The following WDFY3 variants were observed in gnomAD, a reference collection of about 807,000 sequenced individuals.
WDFY3 encodes WD repeat and FYVE domain-containing protein 3.
In WDFY3, 66 loss-of-function variants were observed where a neutral mutation model predicts 409.6. The ratio of observed to expected loss-of-function variants is 0.16; its 90% CI spans 0.13 to 0.20. The LOEUF is 0.20. Among genes scored for constraint, WDFY3 ranks in the 10% least tolerant of loss-of-function variants. The pLI is 1.00. For missense variants in WDFY3, 3,031 were observed against 4,298.1 expected (o/e 0.71, Z 8.24); for synonymous variants, 1,521 against 1,537.1 (o/e 0.99, Z 0.25).
At position 84,677,141 on chromosome 4, in the gene WDFY3, A is replaced by G. The variant is rs1726427149; in HGVS notation, c.10457+58T>C. 1.9e-6 allele frequency: 3 copies of G among 1,595,126 alleles called. No individual in the cohort carries two copies. In the South Asian group the frequency reaches 3.4e-5, roughly 18 times the overall value. On this transcript the variant is annotated intron_variant, in intron 67 of 67. Coordinates refer to ENST00000295888, the MANE Select transcript of WDFY3 (RefSeq NM_014991.6). ...AAATCAGAACCTGTGTGCAGGACAT[A>G]ATTAACAACCTTAGAGCTTAATCAA...
chr4:84,798,506 A>G (rs1270419492), intron 17 of WDFY3, among the ~76,000 whole-genome samples: 3 of 152,216 alleles, frequency 2.0e-5, no homozygotes, highest in Admixed American at 6.5e-5. Flanking sequence ...TTCATTTTTT[A>G]GAAGTTAATA....
chr4:84,829,236 C>T (rs750341352), intron 8 of WDFY3, 46 bp from the exon 9 acceptor site: 14 of 1,426,468 alleles, frequency 9.8e-6, no homozygotes, highest in African/African-American at 2.9e-5. Context: ...TCCTGACAAT[C>T]GCTTAAAAAT....
chr4:84,810,257 C>G lies in WDFY3; in HGVS notation c.1975G>C (p.Val659Leu). ...CAGCTCAAAGATCTTTCCATAGCAACGAGCAAGGATGTAATGTACACAAAT... is the reference window on the plus strand; with the variant it reads ...CAGCTCAAAGATCTTTCCATAGCAAGGAGCAAGGATGTAATGTACACAAAT... ...GGFVYITSLL[V>L]AMERSLSCPP... The change falls in exon 14 of 68, where the codon GTT (valine) becomes CTT (leucine). Residue 659 changes from valine to leucine, a missense_variant. By Grantham distance (32) the Val-to-Leu change is conservative. Coordinates refer to ENST00000295888, the MANE Select transcript of WDFY3 (RefSeq NM_014991.6). 1 of 1,613,946 alleles carries G rather than the reference C, an allele frequency of 6.2e-7. No individual in the cohort carries two copies. Among genetic ancestry groups the G allele is most frequent in the Middle Eastern group, 1.7e-4 (1 of 6,060 alleles).
intron 33 of WDFY3, 21 bp downstream of exon 33, chr4:84,756,905 C>T (rs376620120): frequency 9.3e-6 from 15 of 1,607,660 alleles, no homozygotes; most frequent in African/African-American, 1.3e-5. Context: ...TTTCACGCAC[C>T]CCTTGCTAGA....
In WDFY3 at chr4:84,718,462, C is replaced by T; in HGVS notation, c.7714G>A (p.Ala2572Thr). 1.2e-6 allele frequency: 2 copies of T among 1,613,948 alleles called. No individual in the cohort carries two copies. The highest frequency in any genetic ancestry group is 2.2e-5 in the South Asian group (2 of 91,070). Reference sequence around the variant, plus strand: ...TCAATATCTCTTATTTCCCTGGTTGCTGTCATGGTAAATCCATCAATCACA... The same window carrying T: ...TCAATATCTCTTATTTCCCTGGTTGTTGTCATGGTAAATCCATCAATCACA... Reference protein sequence around the residue: ...FYVIDGFTMTATREIRDIETL... With the variant: ...FYVIDGFTMTTTREIRDIETL... Residue 2572 changes from alanine to threonine, a missense_variant, in exon 48 of 68, where the codon GCA becomes ACA. Coordinates refer to ENST00000295888, the MANE Select transcript of WDFY3 (RefSeq NM_014991.6).
intron 58 of WDFY3, among the ~76,000 whole-genome samples, chr4:84,693,947 A>T (rs1729685802): frequency 6.6e-6 from 1 of 152,062 alleles, no homozygotes; most frequent in African/African-American, 2.4e-5. Context: ...CAATTATTGT[A>T]AATCTTTGAG....
intron 53 of WDFY3, among the ~76,000 whole-genome samples, chr4:84,706,057 T>C (rs1449333455): frequency 6.6e-6 from 1 of 151,796 alleles, no homozygotes; most frequent in Non-Finnish European, 1.5e-5. Context: ...TCACACCAGA[T>C]CAAGTAACTT....
chr4:84,936,476 G>T (rs552515075), intron 1 of WDFY3, among the ~76,000 whole-genome samples: 11 of 151,944 alleles, frequency 7.2e-5, no homozygotes, highest in Non-Finnish European at 1.5e-4. Flanking sequence ...AGCTATGAAC[G>T]TGCCACTGCC....
intron 13 of WDFY3, among the ~76,000 whole-genome samples, chr4:84,816,508 G>A (rs1753323198): frequency 6.6e-6 from 1 of 152,058 alleles, no homozygotes; most frequent in African/African-American, 2.4e-5. Context: ...ATAAGTAGAT[G>A]CAGATAAATG....
rs1005326073 is a variant in WDFY3, at chr4:84,826,991, T to C, written c.957-10A>G. On this transcript the variant is annotated splice_polypyrimidine_tract_variant and intron_variant, in intron 9 of 67. Coordinates refer to ENST00000295888, the MANE Select transcript of WDFY3 (RefSeq NM_014991.6). Reference sequence around the variant, plus strand: ...TTTTGCTTGTTCCAATCTAGAAAAGTATGATTTAGAAAGTATTTTTTTTCT... The same window carrying C: ...TTTTGCTTGTTCCAATCTAGAAAAGCATGATTTAGAAAGTATTTTTTTTCT... 10 of 1,600,182 alleles carry C rather than the reference T, an allele frequency of 6.2e-6. No individual in the cohort carries two copies. The highest frequency in any genetic ancestry group is 8.5e-6 in the Non-Finnish European group (10 of 1,176,758).
At chr4:84,714,143 G>T (rs1161441322) in intron 50 of WDFY3, among the ~76,000 whole-genome samples, 4 of 151,476 alleles carry the variant, frequency 2.6e-5, no homozygotes, top group African/African-American at 9.7e-5. Context: ...ATTATTTTTT[G>T]AAACAGTGCC....
intron 2 of WDFY3, among the ~76,000 whole-genome samples, chr4:84,909,113 T>C (rs530321032): frequency 1.3e-5 from 2 of 152,026 alleles, no homozygotes; most frequent in East Asian, 3.9e-4. Context: ...AGTAAATGCA[T>C]GGGAATGTAA....
intron 51 of WDFY3, among the ~76,000 whole-genome samples, chr4:84,712,201 G>A (rs574106501): frequency 2.0e-5 from 3 of 151,760 alleles, no homozygotes; most frequent in African/African-American, 7.2e-5. Flanking sequence ...GCACATGCTT[G>A]TAATCCCAGC....
At chr4:84,821,781 T>C (rs1754103223) in intron 10 of WDFY3, among the ~76,000 whole-genome samples, 1 of 152,224 alleles carries the variant, frequency 6.6e-6, no homozygotes, top group Non-Finnish European at 1.5e-5. Flanking sequence ...AATTCAAAAA[T>C]AGTGTATGTT....
intron 2 of WDFY3, among the ~76,000 whole-genome samples, chr4:84,924,416 G>A (rs1277294972): frequency 6.6e-6 from 1 of 152,100 alleles, no homozygotes; most frequent in Non-Finnish European, 1.5e-5. Flanking sequence ...CATTTAACTT[G>A]ATCCTCACAA....
At chr4:84,698,908 G>A (rs149361866) in intron 56 of WDFY3, among the ~76,000 whole-genome samples, 8 of 152,070 alleles carry the variant, frequency 5.3e-5, no homozygotes, top group Non-Finnish European at 7.4e-5. Flanking sequence ...GGCTGGTCTC[G>A]AATTCTTGGC....
intron 5 of WDFY3, among the ~76,000 whole-genome samples, chr4:84,846,755 G>T (rs1267168543): frequency 6.6e-6 from 1 of 151,516 alleles, no homozygotes; most frequent in African/African-American, 2.4e-5. Context: ...AACAGAATAA[G>T]TGAAAGCAAT....
chr4:84,863,070 CTG>C (rs1405280134), intron 3 of WDFY3, among the ~76,000 whole-genome samples: 1 of 152,198 alleles, frequency 6.6e-6, no homozygotes, highest in Non-Finnish European at 1.5e-5. Flanking sequence ...ATATTCCACT[CTG>C]TGTGCTGCAC....
At chr4:84,776,620 T>C (rs910806802) in intron 27 of WDFY3, among the ~76,000 whole-genome samples, 1 of 152,064 alleles carries the variant, frequency 6.6e-6, no homozygotes, top group Non-Finnish European at 1.5e-5. Flanking sequence ...TTCACAAGTT[T>C]TAAATTATCT....
Sources: gnomAD v4.1 joint callset for allele counts (sites outside exome capture counted in the v4.1 genomes callset) on GRCh38, gnomAD v4.1.1 for gene constraint, MANE v1.5 for transcripts, NCBI Gene and HGNC (gene_info 2026-07-23, HGNC 2026-07-21) for gene names.